TACC2: variants seen among roughly 807,000 people sequenced by gnomAD.
TACC2 encodes transforming acidic coiled-coil containing protein 2, also known as transforming acidic coiled-coil-containing protein 2.
In TACC2, 137 loss-of-function variants were observed where a neutral mutation model predicts 227.3. The observed-to-expected ratio is 0.60, with a 90% confidence interval of 0.52 to 0.69. The LOEUF is 0.69. TACC2 is among the 30% of genes least tolerant of loss of function. The probability of loss-of-function intolerance (pLI) is 0.00; values close to 1 mark genes in which losing one functional copy is unlikely to be tolerated. For synonymous variants in TACC2, 1,523 were observed against 1,487.5 expected, an observed-to-expected ratio of 1.02 and a Z score of -0.55; for missense variants, 3,470 against 3,694.4, an observed-to-expected ratio of 0.94 and a Z score of 1.57.
chr10:122,011,361 C>T lies in TACC2; in HGVS notation c.-45-10576C>T, dbSNP rs892662093. On this transcript the variant is annotated intron_variant, in intron 1 of 22. Transcript: ENST00000369005. ...TGTTTTTTGTTTTAAGACAGAGTCT[C>T]GCTCTGTTGCCAGGCTGGGGTGCAG... 4.6e-5 allele frequency among the ~76,000 whole-genome samples: 7 copies of T among 152,302 alleles called. 1 individual carries two copies. The highest frequency in any genetic ancestry group is 1.4e-4 in the African/African-American group (6 of 41,570).
intron 16 of TACC2, among the ~76,000 whole-genome samples, chr10:122,232,938 TCACTTGGAATGAAAA>T (rs2095787466): frequency 6.6e-6 from 1 of 152,114 alleles, no homozygotes; most frequent in Non-Finnish European, 1.5e-5. Context: ...AAAGATGAAA[TCACTTGGAATGAAAA>T]ATATCATATT....
intron 7 of TACC2, among the ~76,000 whole-genome samples, chr10:122,159,651 G>A (rs2092700650): frequency 6.6e-6 from 1 of 152,320 alleles, no homozygotes; most frequent in Non-Finnish European, 1.5e-5. Context: ...CTGAAGAGAA[G>A]TCGCTGGGGT....
intron 8 of TACC2, among the ~76,000 whole-genome samples, chr10:122,202,587 G>C (rs2140850127): frequency 6.7e-6 from 1 of 149,058 alleles, no homozygotes; most frequent in East Asian, 2.0e-4. Context: ...GTTTTGGTCA[G>C]TACATCATCC....
chr10:122,086,900 C>T lies in TACC2; in HGVS notation c.4400C>T (p.Pro1467Leu), dbSNP rs2080149966. ...GATGTCACCCTTCTCCCTGCACCTC[C>T]TGCTCGACTCCAGGTGGAGAAGAAG... is the stretch of plus-strand genomic sequence containing the variant. ...GVDVTLLPAP[P>L]ARLQVEKKQQ... is the part of the protein sequence containing the mutation. Residue 1467 changes from proline (P) to leucine (L), a missense_variant, in exon 4 of 23, where the codon CCT (proline) becomes CTT (leucine). This residue lies in a region of TACC2 where 1,924 missense variants were observed against 1,978.3 expected (regional missense o/e 0.97). Transcript: ENST00000369005. 6.2e-7 allele frequency: 1 copy of T among 1,613,886 alleles called. No individual in the cohort carries two copies. The highest frequency in any genetic ancestry group is 8.5e-7 in the Non-Finnish European group (1 of 1,180,048).
In TACC2 at chr10:122,135,901, C is replaced by A. The variant is rs560995756; in HGVS notation, c.5699+3167C>A. Among the ~76,000 whole-genome samples, 9 of 152,310 alleles carry A rather than the reference C, an allele frequency of 5.9e-5. 1 individual carries two copies. The South Asian group carries it at 1.9e-3, about 32-fold the overall frequency. On this transcript the variant is annotated intron_variant, in intron 6 of 22. Transcript: ENST00000369005. ...CTGTTGTGCTTTTCCTTGGTGAGCA[C>A]ATTGTTTCAAATGAGCCCTAAGCAT...
intron 5 of TACC2, among the ~76,000 whole-genome samples, chr10:122,109,126 C>A (rs1231659752): frequency 7.1e-6 from 1 of 141,304 alleles, no homozygotes; most frequent in Non-Finnish European, 1.6e-5. Flanking sequence ...CATGCATGTA[C>A]AAGTATCTTT....
chr10:122,140,409 C>G (rs970936050), intron 6 of TACC2, among the ~76,000 whole-genome samples: 2 of 152,228 alleles, frequency 1.3e-5, no homozygotes, highest in Non-Finnish European at 2.9e-5. Flanking sequence ...TATAAACACT[C>G]TACATGAATT....
At chr10:122,162,791 C>G (rs2092901443) in intron 7 of TACC2, among the ~76,000 whole-genome samples, 1 of 152,130 alleles carries the variant, frequency 6.6e-6, no homozygotes, top group African/African-American at 2.4e-5. Context: ...CCTACAGGCC[C>G]AGCCCGTGTT....
rs1371086471 is a variant in TACC2, at chr10:122,216,799, A to ACGAGAC, written c.7519_7524dup (p.Glu2507_Thr2508dup). Reference sequence around the variant, plus strand: ...CCCTCGGACCTGTCCACCTTTGTAAACGAGACCAAATTCAGTTCACCCACT... The same window carrying ACGAGAC: ...CCCTCGGACCTGTCCACCTTTGTAAACGAGACCGAGACCAAATTCAGTTCACCCACT... On this transcript the variant is annotated inframe_insertion, in exon 11 of 23. Transcript: ENST00000369005. The ACGAGAC allele has an allele frequency of 6.2e-7, 1 of 1,613,928 alleles. No homozygotes were observed. Among genetic ancestry groups the ACGAGAC allele is most frequent in the African/African-American group, 1.3e-5 (1 of 74,870 alleles).
intron 2 of TACC2, among the ~76,000 whole-genome samples, chr10:122,028,428 A>T (rs941409203): frequency 6.6e-6 from 1 of 152,156 alleles, no homozygotes; most frequent in African/African-American, 2.4e-5. Context: ...AATCTTCAAC[A>T]TATAGATCCA....
At chr10:122,112,016 C>CT (rs1565330999) in intron 5 of TACC2, among the ~76,000 whole-genome samples, 1 of 152,142 alleles carries the variant, frequency 6.6e-6, no homozygotes, top group Non-Finnish European at 1.5e-5. Flanking sequence ...CAGTAACAGT[C>CT]TATTTCTTTA....
At chr10:122,184,202 C>T (rs2094091939) in intron 7 of TACC2, among the ~76,000 whole-genome samples, 1 of 152,112 alleles carries the variant, frequency 6.6e-6, no homozygotes, top group Non-Finnish European at 1.5e-5. Context: ...CGGAAGGACA[C>T]TTGGTGAGTG....
At chr10:122,033,058 G>A (rs1270893919) in intron 2 of TACC2, 13 of 1,268,082 alleles carry the variant, frequency 1.0e-5, no homozygotes, top group South Asian at 1.2e-5. Context: ...TGTTCCCTGC[G>A]ACCTGTCCTA....
chr10:122,250,435 C>T (rs918256454), intron 22 of TACC2, among the ~76,000 whole-genome samples: 9 of 152,172 alleles, frequency 5.9e-5, no homozygotes, highest in African/African-American at 1.7e-4. Flanking sequence ...GCATTTTGGG[C>T]CTTGATAGGC....
intron 3 of TACC2, among the ~76,000 whole-genome samples, chr10:122,054,755 G>A (rs193240070): frequency 2.4e-4 from 36 of 152,232 alleles, no homozygotes; most frequent in African/African-American, 8.2e-4. Flanking sequence ...AATTCCCGGC[G>A]CCTTTGGTTT....
intron 22 of TACC2, among the ~76,000 whole-genome samples, chr10:122,251,305 A>G (rs888337105): frequency 6.6e-6 from 1 of 152,156 alleles, no homozygotes; most frequent in Non-Finnish European, 1.5e-5. Context: ...ATAGTTTGGA[A>G]TATGCATATG....
chr10:122,002,458 T>A (rs1383135965), intron 1 of TACC2, among the ~76,000 whole-genome samples: 1 of 152,206 alleles, frequency 6.6e-6, no homozygotes, highest in East Asian at 1.9e-4. Flanking sequence ...TGTGCCATTT[T>A]TATCAGGTTG....
At chr10:122,137,907 G>A (rs1261055595) in intron 6 of TACC2, among the ~76,000 whole-genome samples, 2 of 152,180 alleles carry the variant, frequency 1.3e-5, no homozygotes, top group African/African-American at 4.8e-5. Flanking sequence ...AGCAGCTGGC[G>A]GCTGAAGTTT....
chr10:122,087,812 G>C lies in TACC2; in HGVS notation c.5312G>C (p.Arg1771Thr). 1 of 1,572,958 alleles carries C rather than the reference G, an allele frequency of 6.4e-7. No homozygotes were observed. The highest frequency in any genetic ancestry group is 8.6e-7 in the Non-Finnish European group (1 of 1,158,104). Residue 1771 changes from arginine (R) to threonine (T), a missense_variant, in exon 4 of 23, where the codon AGG becomes ACG. Arg to Thr is a moderately conservative substitution (Grantham distance 71). Coordinates refer to ENST00000369005, the MANE Select transcript of TACC2 (RefSeq NM_206862.4). The part of the protein sequence containing the change: ...TAALHGDSPA[R>T]PQQAKEQPGP... ...GCCCTTCATGGGGACAGCCCAGCCA[G>C]GCCCCAGCAGGCTAAGGAGCAGCCA...
Sources: gnomAD v4.1 joint callset for allele counts (sites outside exome capture counted in the v4.1 genomes callset) on GRCh38, gnomAD v4.1.1 for gene constraint, gnomAD v4.1.1 regional missense constraint, MANE v1.5 for transcripts, NCBI Gene and HGNC (gene_info 2026-07-23, HGNC 2026-07-21) for gene names.